RELN: variants seen among roughly 807,000 people sequenced by gnomAD.
The protein encoded by RELN is reelin.
Under a neutral mutation model 427.6 loss-of-function variants are expected in RELN, and 108 were observed. That is an observed-to-expected ratio of 0.25 (90% CI 0.22 to 0.30). RELN has a LOEUF of 0.30. Ranked by LOEUF, RELN falls within the 10% of genes least tolerant of loss-of-function variation. The probability of loss-of-function intolerance (pLI) is 1.00; values close to 1 mark genes in which losing one functional copy is unlikely to be tolerated. For synonymous variants in RELN, 1,524 were observed against 1,513.4 expected (o/e 1.01, Z -0.16); for missense variants, 3,715 against 4,302.8 (o/e 0.86, Z 3.82).
At chr7:103,782,094 G>T (rs1232768486) in intron 3 of RELN, among the ~76,000 whole-genome samples, 1 of 151,848 alleles carries the variant, frequency 6.6e-6, no homozygotes, top group Non-Finnish European at 1.5e-5. Flanking sequence ...TATTAACTAA[G>T]TAATTTTAAA....
At chr7:103,757,779 T>C (rs1391398703) in intron 4 of RELN, among the ~76,000 whole-genome samples, 2 of 152,092 alleles carry the variant, frequency 1.3e-5, no homozygotes, top group Non-Finnish European at 1.5e-5. Context: ...GGATACTGAA[T>C]TGAAGAGAGA....
chr7:103,667,811 T>C (rs1306967435), intron 11 of RELN, among the ~76,000 whole-genome samples: 4 of 152,260 alleles, frequency 2.6e-5, no homozygotes, highest in Admixed American at 1.3e-4. Flanking sequence ...TAGAATTAGT[T>C]AATTCTATTT....
intron 11 of RELN, among the ~76,000 whole-genome samples, chr7:103,668,889 T>C (rs1833329079): frequency 6.6e-6 from 1 of 152,192 alleles, no homozygotes; most frequent in African/African-American, 2.4e-5. Context: ...TTGATATCTA[T>C]CTGCTTTAGA....
At chr7:103,829,996 T>C (rs1339832457) in intron 3 of RELN, among the ~76,000 whole-genome samples, 1 of 132,946 alleles carries the variant, frequency 7.5e-6, no homozygotes, top group Non-Finnish European at 1.7e-5. Flanking sequence ...AAATGGTAAA[T>C]GATAAATGTT....
At chr7:103,773,134 T>TTCTC (rs1487995033) in intron 4 of RELN, among the ~76,000 whole-genome samples, 1 of 98,408 alleles carries the variant, frequency 1.0e-5, no homozygotes, top group Non-Finnish European at 2.3e-5. Context: ...CTTTCTTTCT[T>TTCTC]TCTTTCTTTC....
chr7:103,486,062 AAATTC>A lies in RELN; in HGVS notation c.9983+130_9983+134del, dbSNP rs1828429227. ...TGAAACATATATGCTTCCTTGTCCC[AAATTC>A]AAATGACAGGTTTTCACTGCTTAGT... On this transcript the variant is annotated intron_variant, in intron 61 of 64. Transcript: ENST00000428762. 3.7e-6 allele frequency: 3 copies of A among 820,920 alleles called. No homozygotes were observed. In the Admixed American group the frequency reaches 6.0e-5, roughly 16 times the overall value. 50.9% of individuals were successfully genotyped at this position (820,920 alleles called of 1,614,324 possible).
chr7:103,485,790 G>C (rs1828417914), intron 61 of RELN, among the ~76,000 whole-genome samples: 1 of 152,020 alleles, frequency 6.6e-6, no homozygotes, highest in Non-Finnish European at 1.5e-5. Flanking sequence ...TCTATTTATT[G>C]TACTTACATA....
rs888226819 is a variant in RELN, at chr7:103,954,045, T to C, written c.226+35086A>G. ...TGGGTGGATCACTTGAGGTCAAGAG[T>C]TTGAGACCAGCCTGGCCAACAGAGC... On this transcript the variant is annotated intron_variant, in intron 1 of 64. Transcript: ENST00000428762. 3.4e-4 allele frequency among the ~76,000 whole-genome samples: 52 copies of C among 151,426 alleles called. 2 individuals carry two copies. The highest frequency in any genetic ancestry group is 1.2e-4 in the Non-Finnish European group (8 of 67,880).
chr7:103,717,741 T>C (rs1238287607), intron 8 of RELN, among the ~76,000 whole-genome samples: 1 of 152,030 alleles, frequency 6.6e-6, no homozygotes, highest in Non-Finnish European at 1.5e-5. Flanking sequence ...TATTTCATAA[T>C]AAGTTCCCCA....
intron 4 of RELN, among the ~76,000 whole-genome samples, chr7:103,760,226 C>G (rs138429211): frequency 6.6e-6 from 1 of 151,020 alleles, no homozygotes; most frequent in African/African-American, 2.4e-5. Context: ...TTCAGTTTGT[C>G]CAGGAGACAA....
intron 19 of RELN, among the ~76,000 whole-genome samples, chr7:103,632,852 G>A (rs1318239561): frequency 6.6e-6 from 1 of 152,016 alleles, no homozygotes; most frequent in Non-Finnish European, 1.5e-5. Context: ...TGGATGACAT[G>A]ATAGAACAAA....
intron 8 of RELN, among the ~76,000 whole-genome samples, chr7:103,702,027 T>C (rs147630221): frequency 1.7e-3 from 253 of 152,318 alleles, no homozygotes; most frequent in Non-Finnish European, 2.4e-3. Flanking sequence ...GGCAATGTAC[T>C]AAAAAGCCAA....
At chr7:103,864,556 T>C (rs1483526809) in intron 2 of RELN, among the ~76,000 whole-genome samples, 1 of 152,170 alleles carries the variant, frequency 6.6e-6, no homozygotes, top group African/African-American at 2.4e-5. Context: ...TTTGTCCTTC[T>C]GTGACTGGTT....
chr7:103,654,202 C>A lies in RELN; in HGVS notation c.1445G>T (p.Gly482Val). The A allele has an allele frequency of 6.2e-7, 1 of 1,602,158 alleles. No individual in the cohort carries two copies. The highest frequency in any genetic ancestry group is 8.5e-7 in the Non-Finnish European group (1 of 1,169,708). The change falls in exon 13 of 65, where the codon GGA becomes GTA. Residue 482 changes from glycine to valine, a missense_variant. Around this residue, in one of 4 missense-constraint regions of RELN, gnomAD observed 2,208 missense variants for 2,361.7 expected, o/e 0.93. Transcript: ENST00000428762. ...GNLRFYFVMG[G>V]ICDPGNSHEN... ...ATGAGAATTTCCAGGGTCACAAATT[C>A]CTCCTGCACAAAACAAAAATTTTAA...
chr7:103,949,646 C>T lies in RELN; in HGVS notation c.227-32461G>A, dbSNP rs537214716. On this transcript the variant is annotated intron_variant, in intron 1 of 64. Coordinates refer to ENST00000428762, the MANE Select transcript of RELN (RefSeq NM_005045.4). ...ATTTTTGTCTAAGCCAGCTAATCTA[C>T]AGTAATTTATTACAGCAGCAGGAAC... Among the ~76,000 whole-genome samples the T allele has an allele frequency of 1.1e-4, 16 of 151,530 alleles. No homozygotes were observed. The South Asian group carries it at 3.1e-3, about 30-fold the overall frequency.
chr7:103,566,829 T>G (rs1266506883), intron 31 of RELN, 70 bp from the exon 32 acceptor site: 1 of 1,467,656 alleles, frequency 6.8e-7, no homozygotes, highest in Non-Finnish European at 9.5e-7. Flanking sequence ...ATTTCTTAAA[T>G]GGTGAGACTG....
intron 3 of RELN, among the ~76,000 whole-genome samples, chr7:103,786,262 G>A (rs1792012172): frequency 6.6e-6 from 1 of 151,720 alleles, no homozygotes; most frequent in South Asian, 2.1e-4. Context: ...TCATATTTTA[G>A]TAAATCATAT....
intron 3 of RELN, among the ~76,000 whole-genome samples, chr7:103,791,827 A>T (rs902702762): frequency 6.6e-6 from 1 of 152,212 alleles, no homozygotes; most frequent in South Asian, 2.1e-4. Context: ...TGCAAATCAT[A>T]TATCTGATAA....
At chr7:103,807,124 C>T (rs570227875) in intron 3 of RELN, among the ~76,000 whole-genome samples, 42 of 152,272 alleles carry the variant, frequency 2.8e-4, no homozygotes, top group African/African-American at 1.0e-3. Context: ...GTTTGCCAGG[C>T]TTTAAAAATG....
Sources: gnomAD v4.1 joint callset for allele counts (sites outside exome capture counted in the v4.1 genomes callset) on GRCh38, gnomAD v4.1.1 for gene constraint, gnomAD v4.1.1 regional missense constraint, MANE v1.5 for transcripts, NCBI Gene and HGNC (gene_info 2026-07-23, HGNC 2026-07-21) for gene names.